The following DYNC2I1 variants were observed in gnomAD, a reference collection of about 807,000 sequenced individuals.
DYNC2I1 encodes the protein dynein 2 intermediate chain 1, also known as cytoplasmic dynein 2 intermediate chain 1.
A neutral mutation model predicts 133.4 loss-of-function variants in DYNC2I1; 89 were observed. The observed-to-expected ratio is 0.67, with a 90% CI of 0.56 to 0.80. The LOEUF is 0.80. DYNC2I1 is among the 30% of genes least tolerant of loss of function. The probability of loss-of-function intolerance (pLI) is 0.00; values close to 1 mark genes in which losing one functional copy is unlikely to be tolerated. For synonymous variants in DYNC2I1, 504 were observed against 484.3 expected, an observed-to-expected ratio of 1.04 and a Z score of -0.54; for missense variants, 1,291 against 1,314.5, an observed-to-expected ratio of 0.98 and a Z score of 0.28.
chr7:158,877,771 G>A (rs1377177339), intron 4 of DYNC2I1, among the ~76,000 whole-genome samples: 3 of 152,146 alleles, frequency 2.0e-5, no homozygotes, highest in Admixed American at 6.5e-5. Flanking sequence ...TCACAGAGAT[G>A]GTTAAACTCT....
chr7:158,895,033 C>G (rs1845632663), intron 8 of DYNC2I1, among the ~76,000 whole-genome samples: 1 of 152,064 alleles, frequency 6.6e-6, no homozygotes, highest in Admixed American at 6.6e-5. Context: ...TTTAAGAGTT[C>G]TCTGTGTGTT....
At chr7:158,869,083 C>A (rs1214709848) in intron 1 of DYNC2I1, among the ~76,000 whole-genome samples, 2 of 152,176 alleles carry the variant, frequency 1.3e-5, no homozygotes, top group African/African-American at 4.8e-5. Context: ...GGGGCCTCGG[C>A]TGGGGAGACT....
chr7:158,952,592 A>G (rs572514198), intron 4 of DYNC2I1, among the ~76,000 whole-genome samples: 1 of 152,150 alleles, frequency 6.6e-6, no homozygotes, highest in East Asian at 1.9e-4. Flanking sequence ...GGGAATAAGA[A>G]GGAGCCTTGA....
chr7:158,939,885 A>G (rs138572388), intron 23 of DYNC2I1, among the ~76,000 whole-genome samples: 1 of 152,370 alleles, frequency 6.6e-6, no homozygotes, highest in East Asian at 1.9e-4. Flanking sequence ...GTCTATATAT[A>G]ATGATAATGG....
At chr7:158,901,703 G>T in intron 8 of DYNC2I1, 36 bp from the exon 9 acceptor site, 1 of 1,368,436 alleles carries the variant, frequency 7.3e-7, no homozygotes, top group South Asian at 1.3e-5. Flanking sequence ...TTTTATGATT[G>T]AATTTTTTGG....
chr7:158,881,081 G>A (rs750461400), intron 5 of DYNC2I1, among the ~76,000 whole-genome samples: 1 of 152,236 alleles, frequency 6.6e-6, no homozygotes, highest in Non-Finnish European at 1.5e-5. Flanking sequence ...GAATGCCAGT[G>A]GGTTAGAACT....
chr7:158,914,756 G>C (rs1194844195), intron 14 of DYNC2I1, among the ~76,000 whole-genome samples: 2 of 152,176 alleles, frequency 1.3e-5, no homozygotes, highest in South Asian at 2.1e-4. Flanking sequence ...AGGTACTTTA[G>C]TGGTTATCAC....
At chr7:158,905,454 T>G (rs1846699792) in intron 10 of DYNC2I1, among the ~76,000 whole-genome samples, 1 of 152,228 alleles carries the variant, frequency 6.6e-6, no homozygotes, top group Non-Finnish European at 1.5e-5. Context: ...TTGTTCATTC[T>G]TATATAATAT....
chr7:158,841,536 T>C, the DYNC2I1 span, among the ~76,000 whole-genome samples: 1 of 152,108 alleles, frequency 6.6e-6, no homozygotes, highest in Non-Finnish European at 1.5e-5. Flanking sequence ...TATTTAGTTT[T>C]CTATTTCTAG....
In DYNC2I1 at chr7:158,923,596, T is replaced by C. The variant is rs1354058761; in HGVS notation, c.2120T>C (p.Leu707Ser). The C allele has an allele frequency of 6.2e-7, 1 of 1,614,036 alleles. No individual in the cohort carries two copies. Among genetic ancestry groups the C allele is most frequent in the South Asian group, 1.1e-5 (1 of 91,080 alleles). Residue 707 changes from leucine to serine, a missense_variant, in exon 17 of 25, where the codon TTG becomes TCG. Physicochemically the swap from Leu to Ser is moderately radical, Grantham distance 145. Coordinates refer to ENST00000407559, the MANE Select transcript of DYNC2I1 (RefSeq NM_018051.5). The stretch of plus-strand genomic sequence containing the variant: ...GTCACGTGTTGCTGCTTGAGCCCTT[T>C]GAAAGCATTTTTACTGTTTGCCGGA... ...SQVTCCCLSP[L>S]KAFLLFAGTA...
rs75720536 is a variant in DYNC2I1 at position 158,916,861 on chromosome 7, T to G, written c.1792-1879T>G. On this transcript the variant is annotated intron_variant, in intron 14 of 24. Transcript: ENST00000407559. The stretch of plus-strand genomic sequence containing the variant: ...ACATTAAGGATGATTGTGAAACGTC[T>G]ACACGCTGGTTGACATTTAGGATGA... 8.4e-3 allele frequency among the ~76,000 whole-genome samples: 86 copies of G among 10,286 alleles called. No individual in the cohort carries two copies. The East Asian group carries it at 0.094, about 11-fold the overall frequency. The allele number at this position is 10,286 out of a possible 152,430, so 6.7% of individuals were successfully genotyped here.
the DYNC2I1 span, among the ~76,000 whole-genome samples, chr7:158,848,128 G>A: frequency 4.1e-4 from 62 of 152,164 alleles, no homozygotes; most frequent in Non-Finnish European, 7.6e-4. Flanking sequence ...TGATCCAATT[G>A]CACAAGAGGT....
At chr7:158,862,352 CATTGATT>C (rs72169734) in intron 1 of DYNC2I1, among the ~76,000 whole-genome samples, 5,624 of 152,118 alleles carry the variant, frequency 0.037, 362 homozygotes, top group African/African-American at 0.13. Context: ...ACAGAAATAA[CATTGATT>C]ATTGATTGGT....
At position 158,879,748 on chromosome 7, in the gene DYNC2I1, G is replaced by A. The variant is rs1279644253; in HGVS notation, c.638G>A (p.Arg213Lys). 3 of 1,607,256 alleles carry A rather than the reference G, an allele frequency of 1.9e-6. No homozygotes were observed. In the East Asian group the frequency reaches 6.7e-5, roughly 36 times the overall value. The change falls in exon 5 of 25, where the codon AGG becomes AAG. Residue 213 changes from arginine (R) to lysine (K), a missense_variant. Transcript: ENST00000407559. Reference sequence around the variant, plus strand: ...TGGCTTTATAAAGAAGAAGGCGAGAGGAGACACAGGAAGCCCAGAGAGCCA... The same window carrying A: ...TGGCTTTATAAAGAAGAAGGCGAGAAGAGACACAGGAAGCCCAGAGAGCCA... ...KYWLYKEEGERRHRKPREPDR... is the reference protein window; with the variant it reads ...KYWLYKEEGEKRHRKPREPDR...
At chr7:158,861,488 C>G (rs929424453) in intron 1 of DYNC2I1, among the ~76,000 whole-genome samples, 2 of 152,180 alleles carry the variant, frequency 1.3e-5, no homozygotes, top group Non-Finnish European at 2.9e-5. Flanking sequence ...TCTATTTCAC[C>G]ACTCGAAAGT....
At chr7:158,936,309 C>G (rs1357492138) in intron 23 of DYNC2I1, among the ~76,000 whole-genome samples, 1 of 152,110 alleles carries the variant, frequency 6.6e-6, no homozygotes, top group Non-Finnish European at 1.5e-5. Context: ...TACATAGCAC[C>G]AAGATCTTCA....
At chr7:158,857,547 T>G (rs1039580994) in intron 1 of DYNC2I1, among the ~76,000 whole-genome samples, 34 of 148,928 alleles carry the variant, frequency 2.3e-4, no homozygotes, top group Non-Finnish European at 3.6e-4. Context: ...TTTGTTTTTT[T>G]TTTTTTTTTG....
chr7:158,937,622 GAA>G (rs71189438), intron 23 of DYNC2I1, among the ~76,000 whole-genome samples: 4 of 109,454 alleles, frequency 3.7e-5, no homozygotes, highest in African/African-American at 1.5e-4. Flanking sequence ...ACTGTCTCAA[GAA>G]AAAAAAAAAA....
At position 158,879,874 on chromosome 7, in the gene DYNC2I1, G is replaced by C. The variant is rs1372303311; in HGVS notation, c.764G>C (p.Arg255Thr). ...SNSFSDKGEE[R>T]HKEKRHKEGF... ...TCATTCTCTGACAAAGGGGAAGAAA[G>C]ACATAAAGAAAAGCGACACAAAGAA... The change falls in exon 5 of 25, where the codon AGA becomes ACA. Residue 255 changes from arginine (R) to threonine (T), a missense_variant. Transcript: ENST00000407559. The C allele has an allele frequency of 2.5e-6, 4 of 1,613,526 alleles. No individual in the cohort carries two copies. The African/African-American group carries it at 4.0e-5, about 16-fold the overall frequency.
Sources: gnomAD v4.1 joint callset for allele counts (sites outside exome capture counted in the v4.1 genomes callset) on GRCh38, gnomAD v4.1.1 for gene constraint, MANE v1.5 for transcripts, NCBI Gene and HGNC (gene_info 2026-07-23, HGNC 2026-07-21) for gene names.